The following TCTN3 variants were observed in gnomAD, a reference collection of about 807,000 sequenced individuals.
The protein encoded by TCTN3 is tectonic family member 3.
TCTN3 carries 57 observed loss-of-function variants against 71.3 expected under a neutral mutation model. The ratio of observed to expected loss-of-function variants is 0.80; its 90% CI spans 0.65 to 1.00. The LOEUF is 1.00. Ranked by LOEUF, TCTN3 falls within the 50% of genes least tolerant of loss-of-function variation. The pLI, the probability that TCTN3 is intolerant of heterozygous loss-of-function variation, is 0.00. For missense variants in TCTN3, 696 were observed against 719.9 expected (o/e 0.97, Z 0.38); for synonymous variants, 258 against 267.8 (o/e 0.96, Z 0.36).
Position 95,687,141 on chromosome 10 carries a change from C to T in TCTN3, c.755G>A (p.Ser252Asn), listed in dbSNP as rs1566074509. Residue 252 changes from serine to asparagine, a missense_variant, in exon 6 of 14, where the codon AGT becomes AAT. By Grantham distance (46) the Ser-to-Asn change is conservative. Transcript: ENST00000371217. ...SNPAGFLESK[S>N]TTCTRFFKNL... ...CTTGAAAAAACGAGTGCAAGTTGTACTTTTACTCTCTAGGAAACCTTAAAC... is the reference window on the plus strand; with the variant it reads ...CTTGAAAAAACGAGTGCAAGTTGTATTTTTACTCTCTAGGAAACCTTAAAC... 6 of 1,614,102 alleles carry T rather than the reference C, an allele frequency of 3.7e-6. No individual in the cohort carries two copies. In the Middle Eastern group the frequency reaches 4.9e-4, roughly 133 times the overall value.
rs201828119 is a variant in TCTN3 at position 95,679,583 on chromosome 10, C to CTT, written c.1590+887_1590+888dup. On this transcript the variant is annotated intron_variant, in intron 13 of 13. Coordinates refer to ENST00000371217, the MANE Select transcript of TCTN3 (RefSeq NM_015631.6). ...TAATTTCACTAGGACCTAGTCATTT[C>CTT]TTTTTTTTTTTTTTTTTTTTTTTTT... Among the ~76,000 whole-genome samples the CTT allele has an allele frequency of 6.8e-3, 651 of 96,370 alleles. 52 individuals carry two copies. Among genetic ancestry groups the CTT allele is most frequent in the African/African-American group, 0.021 (583 of 27,914 alleles). 63.2% of individuals were successfully genotyped at this position (96,370 alleles called of 152,430 possible).
At chr10:95,670,061 CAAAAA>C (rs34609339) in intron 13 of TCTN3, among the ~76,000 whole-genome samples, 5 of 81,076 alleles carry the variant, frequency 6.2e-5, no homozygotes, top group South Asian at 1.0e-3. Context: ...GACTCCGTCT[CAAAAA>C]AAAAAAAAAA....
chr10:95,684,347 T>C (rs2097946144), intron 9 of TCTN3, 152 bp downstream of exon 9: 1 of 944,568 alleles, frequency 1.1e-6, no homozygotes, highest in South Asian at 2.4e-5. Flanking sequence ...TGTAGTAAAA[T>C]TATGGAATAT....
chr10:95,664,119 A>G lies in TCTN3; in HGVS notation c.1772T>C (p.Ile591Thr), dbSNP rs2097923898. Reference sequence around the variant, plus strand: ...AAGTAGTAAGAGGCACAGGATAAGGATGGGAGAGACTGAGCATTTTTGAGA... The same window carrying G: ...AAGTAGTAAGAGGCACAGGATAAGGGTGGGAGAGACTGAGCATTTTTGAGA... ...VFSQKCSVSP[I>T]LILCLLLLGV... The change falls in exon 14 of 14, where the codon ATC becomes ACC. Residue 591 changes from isoleucine (I) to threonine (T), a missense_variant. Physicochemically the swap from Ile to Thr is moderately conservative, Grantham distance 89. Transcript: ENST00000371217. 5.0e-6 allele frequency: 8 copies of G among 1,614,126 alleles called. No individual in the cohort carries two copies. In the East Asian group the frequency reaches 1.1e-4, roughly 22 times the overall value.
rs758838430 is a variant in TCTN3 at position 95,683,141 on chromosome 10, C to T, written c.1258G>A (p.Val420Met). The change falls in exon 11 of 14, where the codon GTG (valine) becomes ATG (methionine). Residue 420 changes from valine to methionine, a missense_variant. Physicochemically the swap from Val to Met is conservative, Grantham distance 21. Coordinates refer to ENST00000371217, the MANE Select transcript of TCTN3 (RefSeq NM_015631.6). Reference protein sequence around the residue: ...NGSCSVKRHEVQFGVNAISGC... With the variant: ...NGSCSVKRHEMQFGVNAISGC... ...GATATTGCATTCACTCCAAACTGCA[C>T]TTCATGTCTTTTAACAGAGCAACTT... is the stretch of plus-strand genomic sequence containing the variant. 1 of 1,614,108 alleles carries T rather than the reference C, an allele frequency of 6.2e-7. No homozygotes were observed. Among genetic ancestry groups the T allele is most frequent in the Admixed American group, 1.7e-5 (1 of 60,014 alleles).
intron 3 of TCTN3, 119 bp from the exon 4 acceptor site, chr10:95,687,838 T>G: frequency 8.3e-7 from 1 of 1,207,342 alleles, no homozygotes; most frequent in Non-Finnish European, 1.1e-6. Flanking sequence ...AAGTGTAAAC[T>G]CAAAGAATTT....
intron 13 of TCTN3, among the ~76,000 whole-genome samples, chr10:95,676,199 T>C (rs1252978052): frequency 6.6e-6 from 1 of 152,196 alleles, no homozygotes; most frequent in Non-Finnish European, 1.5e-5. Flanking sequence ...CTAGTGGGTT[T>C]TGTCTAGCAT....
chr10:95,685,421 G>A, intron 8 of TCTN3, 135 bp downstream of exon 8: 1 of 596,586 alleles, frequency 1.7e-6, no homozygotes, highest in Non-Finnish European at 2.9e-6. Context: ...AATACAACAA[G>A]TTTGCATTCC....
chr10:95,682,244 C>A (rs935357042), intron 12 of TCTN3, among the ~76,000 whole-genome samples: 1 of 151,480 alleles, frequency 6.6e-6, no homozygotes, highest in Non-Finnish European at 1.5e-5. Flanking sequence ...GTAATCCCAG[C>A]ACTTTGGGAG....
At chr10:95,688,143 C>A (rs1053830552) in intron 3 of TCTN3, among the ~76,000 whole-genome samples, 1 of 152,078 alleles carries the variant, frequency 6.6e-6, no homozygotes. Flanking sequence ...AATCCCAGCA[C>A]TTTGGGAGGC....
rs750698768 is a variant in TCTN3, at chr10:95,684,535, G to C, written c.1059C>G (p.Gly353=). 6.2e-7 allele frequency: 1 copy of C among 1,614,028 alleles called. No homozygotes were observed. The highest frequency in any genetic ancestry group is 1.7e-5 in the Admixed American group (1 of 60,016). Residue 353 remains glycine (G), a synonymous_variant, in exon 9 of 14, where the codon GGC becomes GGG. Coordinates refer to ENST00000371217, the MANE Select transcript of TCTN3 (RefSeq NM_015631.6). ...LGQTNLTVEP[G]ASLQQHFILR... The stretch of plus-strand genomic sequence containing the variant: ...GGATGAAGTGTTGCTGTAAGGAAGC[G>C]CCTGGCTCAACAGTCAGGTTGGTTT...
chr10:95,675,186 G>A (rs1019294836), intron 13 of TCTN3, among the ~76,000 whole-genome samples: 8 of 152,120 alleles, frequency 5.3e-5, no homozygotes, highest in Non-Finnish European at 7.3e-5. Flanking sequence ...TCCGCCTCTC[G>A]GGTTCAAGCA....
Position 95,686,464 on chromosome 10 carries a change from TTTC to T in TCTN3, c.888+28_888+30del, listed in dbSNP as rs748964240. 436 of 1,612,868 alleles carry T rather than the reference TTTC, an allele frequency of 2.7e-4. 3 individuals carry two copies. The highest frequency in any genetic ancestry group is 4.8e-4 in the South Asian group (44 of 90,842). ...AGATGCAGAGGAGCCAAATATTCTT[TTTC>T]TTTTTTCCTGGTACAACAGCATCAT... On this transcript the variant is annotated intron_variant, in intron 7 of 13. Coordinates refer to ENST00000371217, the MANE Select transcript of TCTN3 (RefSeq NM_015631.6).
chr10:95,692,838 C>G lies in TCTN3; in HGVS notation c.499+82G>C. The G allele has an allele frequency of 3.0e-6, 3 of 1,016,318 alleles. No homozygotes were observed. The South Asian group carries it at 3.9e-5, about 13-fold the overall frequency. 63.0% of individuals were successfully genotyped at this position (1,016,318 alleles called of 1,614,324 possible). ...ATTTTACGTGTGGCCCAAGACAATT[C>G]TTCTTCCAATGTGGGCCAGGGAAGA... On this transcript the variant is annotated intron_variant, in intron 3 of 13. Transcript: ENST00000371217.
intron 13 of TCTN3, among the ~76,000 whole-genome samples, chr10:95,673,871 T>A (rs978043390): frequency 6.6e-6 from 1 of 152,214 alleles, no homozygotes; most frequent in African/African-American, 2.4e-5. Flanking sequence ...ACATACTTTT[T>A]AAAATTTTTC....
At chr10:95,675,937 TG>T (rs2097936712) in intron 13 of TCTN3, among the ~76,000 whole-genome samples, 1 of 152,232 alleles carries the variant, frequency 6.6e-6, no homozygotes, top group Non-Finnish European at 1.5e-5. Flanking sequence ...GAATGTTGCA[TG>T]TCTGCATTCT....
intron 3 of TCTN3, among the ~76,000 whole-genome samples, chr10:95,691,663 A>G (rs752025958): frequency 5.3e-5 from 8 of 152,146 alleles, no homozygotes; most frequent in Admixed American, 1.3e-4. Flanking sequence ...AGACATTTAA[A>G]TCCATTTTGT....
Position 95,687,372 on chromosome 10 carries a change from A to T in TCTN3, c.628-17T>A, listed in dbSNP as rs770902251. On this transcript the variant is annotated splice_polypyrimidine_tract_variant and intron_variant, in intron 4 of 13. Transcript: ENST00000371217. ...GTCCCCAGCCTGAATAAAATATAAA[A>T]GAAACTTTGTTCACAGTGAGACTGG... 6.3e-6 allele frequency: 10 copies of T among 1,590,022 alleles called. No individual in the cohort carries two copies. The highest frequency in any genetic ancestry group is 8.5e-7 in the Non-Finnish European group (1 of 1,170,354).
intron 13 of TCTN3, among the ~76,000 whole-genome samples, chr10:95,671,099 A>G (rs1198956929): frequency 6.6e-6 from 1 of 152,246 alleles, no homozygotes; most frequent in Non-Finnish European, 1.5e-5. Context: ...GCAAAATTAG[A>G]GAATTCACTG....
Sources: gnomAD v4.1 joint callset for allele counts (sites outside exome capture counted in the v4.1 genomes callset) on GRCh38, gnomAD v4.1.1 for gene constraint, MANE v1.5 for transcripts, NCBI Gene and HGNC (gene_info 2026-07-23, HGNC 2026-07-21) for gene names.